Variants in DLG2 observed in about 807,000 individuals in gnomAD.
DLG2 encodes the protein discs large MAGUK scaffold protein 2, also known as disks large homolog 2.
In DLG2, 45 loss-of-function variants were observed where a neutral mutation model predicts 132.5. The observed-to-expected ratio is 0.34, with a 90% CI of 0.27 to 0.44. DLG2 has a LOEUF of 0.44. Ranked by LOEUF, DLG2 falls within the 20% of genes least tolerant of loss-of-function variation. DLG2 has a pLI of 1.00. For missense variants in DLG2, 1,045 were observed against 1,196.9 expected (o/e 0.87, Z 1.87); for synonymous variants, 424 against 419.6 (o/e 1.01, Z -0.13).
At chr11:85,264,627 T>C (rs1431408407) in intron 4 of DLG2, among the ~76,000 whole-genome samples, 4 of 152,032 alleles carry the variant, frequency 2.6e-5, no homozygotes, top group Non-Finnish European at 5.9e-5. Context: ...TGGGGTACCA[T>C]TTTACCTAAA....
At chr11:83,467,670 AAC>A (rs2091281344) in intron 25 of DLG2, among the ~76,000 whole-genome samples, 1 of 151,154 alleles carries the variant, frequency 6.6e-6, no homozygotes, top group South Asian at 2.1e-4. Context: ...GAATCACTTG[AAC>A]CCAGGAGGTG....
intron 21 of DLG2, among the ~76,000 whole-genome samples, chr11:83,513,922 G>A (rs2095173291): frequency 6.6e-6 from 1 of 152,156 alleles, no homozygotes; most frequent in Admixed American, 6.5e-5. Context: ...CGCTGTTTTG[G>A]TTACTGTAGC....
At chr11:84,147,481 G>T (rs986739368) in intron 9 of DLG2, among the ~76,000 whole-genome samples, 1 of 152,078 alleles carries the variant, frequency 6.6e-6, no homozygotes, top group African/African-American at 2.4e-5. Flanking sequence ...TTTTAAAAAG[G>T]TATCAGAGCA....
At chr11:84,866,601 A>G (rs1376768016) in intron 6 of DLG2, among the ~76,000 whole-genome samples, 1 of 152,130 alleles carries the variant, frequency 6.6e-6, no homozygotes, top group Non-Finnish European at 1.5e-5. Context: ...TGCTAACTTC[A>G]CTGAACTACA....
intron 6 of DLG2, among the ~76,000 whole-genome samples, chr11:84,867,377 G>A (rs925829499): frequency 1.3e-5 from 2 of 152,166 alleles, no homozygotes; most frequent in Non-Finnish European, 2.9e-5. Context: ...GGTGAACAGA[G>A]ACAGTTGTTT....
chr11:84,502,567 TTGTATTTTTTAGTAGAGATGG>T (rs1392018489), intron 7 of DLG2, among the ~76,000 whole-genome samples: 3 of 151,270 alleles, frequency 2.0e-5, no homozygotes, highest in African/African-American at 7.3e-5. Context: ...GGCTAATTTT[TTGTATTTTTTAGTAGAGATGG>T]TGTTTCACCA....
chr11:84,812,595 C>T (rs1378833263), intron 6 of DLG2, among the ~76,000 whole-genome samples: 2 of 152,066 alleles, frequency 1.3e-5, no homozygotes, highest in Admixed American at 6.6e-5. Flanking sequence ...TCCATAGCAA[C>T]GTAGGAATCT....
At chr11:83,765,024 A>G (rs962939774) in intron 18 of DLG2, among the ~76,000 whole-genome samples, 7 of 152,212 alleles carry the variant, frequency 4.6e-5, no homozygotes, top group African/African-American at 1.7e-4. Context: ...TAAAAACTTT[A>G]CTTAAAATTA....
intron 3 of DLG2, among the ~76,000 whole-genome samples, chr11:85,535,461 A>C (rs2075517512): frequency 1.3e-5 from 2 of 152,112 alleles, no homozygotes; most frequent in Admixed American, 6.5e-5. Context: ...GAATGAATGA[A>C]GAGATATATT....
chr11:85,038,186 CTCTT>C (rs2061570502), intron 6 of DLG2, among the ~76,000 whole-genome samples: 1 of 152,082 alleles, frequency 6.6e-6, no homozygotes, highest in Non-Finnish European at 1.5e-5. Flanking sequence ...ATAAAGATCT[CTCTT>C]TCTCACAAAA....
chr11:84,131,387 T>G (rs1284193683), intron 9 of DLG2, among the ~76,000 whole-genome samples: 1 of 152,054 alleles, frequency 6.6e-6, no homozygotes, highest in Non-Finnish European at 1.5e-5. Context: ...TGCGTACTTG[T>G]ATGAATGTTT....
chr11:83,961,157 C>T (rs1159258822), intron 14 of DLG2, among the ~76,000 whole-genome samples: 1 of 152,006 alleles, frequency 6.6e-6, no homozygotes, highest in Admixed American at 6.6e-5. Flanking sequence ...CATTCATTAG[C>T]TCACTTAATC....
At chr11:84,969,049 C>G (rs1452373403) in intron 6 of DLG2, among the ~76,000 whole-genome samples, 4 of 142,656 alleles carry the variant, frequency 2.8e-5, no homozygotes, top group Admixed American at 2.1e-4. Context: ...ATCAAAAACT[C>G]AAAGGAAACT....
chr11:83,525,897 A>G (rs1364728485), intron 21 of DLG2, among the ~76,000 whole-genome samples: 2 of 152,226 alleles, frequency 1.3e-5, no homozygotes, highest in African/African-American at 4.8e-5. Flanking sequence ...CTAACGAAAT[A>G]CTGACTGTCA....
intron 7 of DLG2, among the ~76,000 whole-genome samples, chr11:84,509,370 T>C (rs1403902075): frequency 1.3e-5 from 2 of 152,214 alleles, no homozygotes; most frequent in African/African-American, 4.8e-5. Context: ...TATTCCAAAC[T>C]TACTGTTCCC....
intron 19 of DLG2, among the ~76,000 whole-genome samples, chr11:83,576,705 AAAAT>A (rs1320936665): frequency 2.6e-5 from 4 of 152,202 alleles, no homozygotes; most frequent in Non-Finnish European, 5.9e-5. Flanking sequence ...AAATAAAGGC[AAAAT>A]AAAGACTTTT....
intron 18 of DLG2, among the ~76,000 whole-genome samples, chr11:83,743,533 A>T (rs533163801): frequency 1.6e-3 from 240 of 149,138 alleles, no homozygotes; most frequent in African/African-American, 5.8e-3. Context: ...TCCTGGGTTT[A>T]AGGGATCCTC....
chr11:84,535,185 G>A (rs80256490), intron 6 of DLG2, among the ~76,000 whole-genome samples: 1 of 152,320 alleles, frequency 6.6e-6, no homozygotes, highest in East Asian at 1.9e-4. Context: ...TTCAGAATTT[G>A]TGAGTGATTT....
chr11:85,058,403 T>G (rs965179584), intron 6 of DLG2, among the ~76,000 whole-genome samples: 3 of 151,534 alleles, frequency 2.0e-5, no homozygotes, highest in Non-Finnish European at 3.0e-5. Flanking sequence ...AATAAATATA[T>G]GTACACATAT....
Sources: allele counts gnomAD v4.1 joint callset (sites outside exome capture counted in the v4.1 genomes callset), GRCh38; gene constraint gnomAD v4.1.1; transcripts MANE v1.5; gene names NCBI Gene and HGNC (gene_info 2026-07-23, HGNC 2026-07-21).